Variants in MAGI3 observed in about 807,000 individuals in gnomAD.
MAGI3 encodes membrane-associated guanylate kinase, WW and PDZ domain-containing protein 3.
A neutral mutation model predicts 121.8 loss-of-function variants in MAGI3; 43 were observed. The ratio of observed to expected loss-of-function variants is 0.35; its 90% CI spans 0.28 to 0.46. The LOEUF is 0.46. MAGI3 is among the 20% of genes least tolerant of loss of function. MAGI3 has a pLI of 1.00. For missense variants in MAGI3, 1,547 were observed against 1,797.3 expected (o/e 0.86, Z 2.52); for synonymous variants, 553 against 639.3 (o/e 0.86, Z 2.04).
chr1:113,409,178 C>G (rs79772086), intron 1 of MAGI3, among the ~76,000 whole-genome samples: 1 of 143,308 alleles, frequency 7.0e-6, no homozygotes, highest in Non-Finnish European at 1.5e-5. Context: ...TTTTTTTTTT[C>G]TTTTTTTTTC....
intron 7 of MAGI3, among the ~76,000 whole-genome samples, chr1:113,616,578 G>C (rs1012538435): frequency 6.6e-6 from 1 of 152,078 alleles, no homozygotes; most frequent in Admixed American, 6.5e-5. Flanking sequence ...TTTAGAGGAT[G>C]GGATTCTGAA....
intron 5 of MAGI3, 41 bp downstream of exon 5, chr1:113,590,699 GT>G: frequency 1.0e-5 from 16 of 1,532,490 alleles, no homozygotes; most frequent in Non-Finnish European, 1.4e-5. Flanking sequence ...GCCCTAACAT[GT>G]TGAGGATTGT....
intron 1 of MAGI3, among the ~76,000 whole-genome samples, chr1:113,397,688 A>G (rs1651188086): frequency 1.3e-5 from 2 of 152,194 alleles, no homozygotes; most frequent in Non-Finnish European, 2.9e-5. Context: ...TCCATTATGA[A>G]TAGTCTCCTG....
intron 1 of MAGI3, among the ~76,000 whole-genome samples, chr1:113,515,101 C>A (rs17031600): frequency 6.6e-6 from 1 of 152,050 alleles, no homozygotes; most frequent in East Asian, 1.9e-4. Flanking sequence ...TGTGATGAAC[C>A]TCACAGTGGC....
chr1:113,432,704 A>G (rs957310612), intron 1 of MAGI3, among the ~76,000 whole-genome samples: 2 of 152,096 alleles, frequency 1.3e-5, no homozygotes, highest in African/African-American at 4.8e-5. Flanking sequence ...GCTAACTTAA[A>G]GAGTTATTTA....
chr1:113,684,727 C>A lies in MAGI3; in HGVS notation c.*713C>A, dbSNP rs1049556468. On this transcript the variant is annotated 3_prime_UTR_variant, in exon 21 of 21. Transcript: ENST00000307546. ...ATTGAATGTTTGAAATAAGAAAGTA[C>A]TTTAAGCAATAGAGTTCATCTCCTG... 1.3e-5 allele frequency: 2 copies of A among 152,300 alleles called. No homozygotes were observed. Among genetic ancestry groups the A allele is most frequent in the Non-Finnish European group, 2.9e-5 (2 of 68,012 alleles). 9.4% of individuals were successfully genotyped at this position (152,300 alleles called of 1,614,324 possible).
At chr1:113,491,486 G>A (rs779276032) in intron 1 of MAGI3, among the ~76,000 whole-genome samples, 1 of 151,894 alleles carries the variant, frequency 6.6e-6, no homozygotes, top group Non-Finnish European at 1.5e-5. Flanking sequence ...TAAGAGCAAA[G>A]AAATCCCAAA....
At chr1:113,395,214 C>T (rs188234450) in intron 1 of MAGI3, among the ~76,000 whole-genome samples, 5 of 148,632 alleles carry the variant, frequency 3.4e-5, no homozygotes, top group Non-Finnish European at 1.5e-5. Flanking sequence ...GTTAGCCTCC[C>T]AGGCTTACAA....
At chr1:113,596,926 G>T (rs1649045024) in intron 6 of MAGI3, among the ~76,000 whole-genome samples, 1 of 152,038 alleles carries the variant, frequency 6.6e-6, no homozygotes, top group Non-Finnish European at 1.5e-5. Context: ...TTCTTAAAAG[G>T]TTAAATATAA....
At chr1:113,548,797 G>A (rs78838491) in intron 1 of MAGI3, among the ~76,000 whole-genome samples, 10,240 of 152,276 alleles carry the variant, frequency 0.067, 380 homozygotes, top group African/African-American at 0.075. Flanking sequence ...GAATGATGCC[G>A]ATTAGAAGGC....
chr1:113,493,639 G>T (rs1253074780), intron 1 of MAGI3, among the ~76,000 whole-genome samples: 1 of 152,100 alleles, frequency 6.6e-6, no homozygotes, highest in Non-Finnish European at 1.5e-5. Flanking sequence ...TCTGTCAAAG[G>T]TCAAATATCT....
chr1:113,645,989 G>A (rs1247889048), intron 11 of MAGI3, among the ~76,000 whole-genome samples: 1 of 152,096 alleles, frequency 6.6e-6, no homozygotes, highest in Admixed American at 6.5e-5. Context: ...TTTTCACAGT[G>A]CCATCTTTAT....
At chr1:113,666,525 G>T (rs1654051015) in intron 16 of MAGI3, among the ~76,000 whole-genome samples, 1 of 152,114 alleles carries the variant, frequency 6.6e-6, no homozygotes, top group Non-Finnish European at 1.5e-5. Flanking sequence ...CCAACTTCAG[G>T]CTCTACTTCT....
intron 16 of MAGI3, among the ~76,000 whole-genome samples, chr1:113,663,696 A>G (rs935445237): frequency 2.0e-5 from 3 of 151,942 alleles, no homozygotes; most frequent in African/African-American, 7.3e-5. Flanking sequence ...TTATGATTTC[A>G]TTTTTCTTGG....
At chr1:113,557,677 G>A (rs1178739795) in intron 2 of MAGI3, among the ~76,000 whole-genome samples, 1 of 152,172 alleles carries the variant, frequency 6.6e-6, no homozygotes, top group Non-Finnish European at 1.5e-5. Flanking sequence ...GACCAATAGG[G>A]AGCTGAAGGG....
chr1:113,630,038 G>C (rs1159255774), intron 9 of MAGI3, among the ~76,000 whole-genome samples: 1 of 152,050 alleles, frequency 6.6e-6, no homozygotes, highest in Non-Finnish European at 1.5e-5. Flanking sequence ...TCTTCAGGAT[G>C]GTGAGTTTCC....
At chr1:113,430,462 G>A (rs1287155231) in intron 1 of MAGI3, among the ~76,000 whole-genome samples, 1 of 152,132 alleles carries the variant, frequency 6.6e-6, no homozygotes, top group African/African-American at 2.4e-5. Context: ...AGTCATATAT[G>A]GCATTTGGCT....
intron 17 of MAGI3, 45 bp downstream of exon 17, chr1:113,671,881 C>T (rs1647573348): frequency 6.6e-7 from 1 of 1,504,106 alleles, no homozygotes; most frequent in African/African-American, 1.4e-5. Context: ...TTCTTATTCT[C>T]TCCTTATTGC....
intron 1 of MAGI3, among the ~76,000 whole-genome samples, chr1:113,480,862 T>C (rs1163609210): frequency 2.0e-5 from 3 of 152,236 alleles, no homozygotes; most frequent in African/African-American, 7.2e-5. Context: ...GTGTGACTTT[T>C]GAATCCGCCA....
Sources: allele counts gnomAD v4.1 joint callset (sites outside exome capture counted in the v4.1 genomes callset), GRCh38; gene constraint gnomAD v4.1.1; transcripts MANE v1.5; gene names NCBI Gene and HGNC (gene_info 2026-07-23, HGNC 2026-07-21).